The following ENPEP variants were observed in gnomAD, a reference collection of about 807,000 sequenced individuals.
ENPEP encodes AP-A.
A neutral mutation model predicts 114.5 loss-of-function variants in ENPEP; 103 were observed. The observed-to-expected ratio is 0.90, with a 90% confidence interval of 0.77 to 1.06. The LOEUF (loss-of-function observed/expected upper bound fraction) is 1.06. ENPEP is among the 50% of genes least tolerant of loss of function. The pLI is 0.00. For synonymous variants in ENPEP, 420 were observed against 422.0 expected (o/e 1.00, Z 0.06); for missense variants, 1,196 against 1,161.3 (o/e 1.03, Z -0.43).
intron 1 of ENPEP, among the ~76,000 whole-genome samples, chr4:110,484,543 T>G (rs1724429967): frequency 6.6e-6 from 1 of 151,960 alleles, no homozygotes; most frequent in Non-Finnish European, 1.5e-5. Context: ...AGAGGACCAC[T>G]GAGCTGGGCC....
chr4:110,501,971 A>G (rs772898278), intron 3 of ENPEP, among the ~76,000 whole-genome samples: 1 of 152,154 alleles, frequency 6.6e-6, no homozygotes, highest in Non-Finnish European at 1.5e-5. Context: ...TTTTAATAAT[A>G]GCCATTCTGA....
chr4:110,503,185 G>C, intron 3 of ENPEP, among the ~76,000 whole-genome samples: 1 of 152,136 alleles, frequency 6.6e-6, no homozygotes, highest in Non-Finnish European at 1.5e-5. Context: ...ACAGTTTGCT[G>C]AGAATGATGG....
At chr4:110,556,988 T>A (rs1727497306) in intron 18 of ENPEP, among the ~76,000 whole-genome samples, 1 of 152,158 alleles carries the variant, frequency 6.6e-6, no homozygotes, top group Non-Finnish European at 1.5e-5. Flanking sequence ...CACAAATACA[T>A]GTATACTTTA....
chr4:110,491,223 C>A, intron 3 of ENPEP, 59 bp downstream of exon 3: 11 of 1,361,502 alleles, frequency 8.1e-6, no homozygotes, highest in Admixed American at 2.7e-5. Context: ...AATTATCTAC[C>A]TTTTTTGGGT....
chr4:110,542,669 C>A (rs762470156), intron 11 of ENPEP, 82 bp from the exon 12 acceptor site: 204 of 1,334,430 alleles, frequency 1.5e-4, no homozygotes, highest in Admixed American at 4.3e-4. Flanking sequence ...CTTTTATTTT[C>A]TTTTTGCCCT....
intron 17 of ENPEP, among the ~76,000 whole-genome samples, chr4:110,550,531 T>A (rs17623554): frequency 0.082 from 12,401 of 152,120 alleles, 568 homozygotes; most frequent in South Asian, 0.14. Flanking sequence ...AAGAGGAGTG[T>A]CTGCCGCAAA....
intron 11 of ENPEP, among the ~76,000 whole-genome samples, chr4:110,536,107 CAAAAAA>C (rs34765143): frequency 1.6e-4 from 10 of 63,132 alleles, no homozygotes; most frequent in African/African-American, 5.8e-4. Flanking sequence ...AACTCTGTCT[CAAAAAA>C]AAAAAAAAAA....
intron 1 of ENPEP, among the ~76,000 whole-genome samples, chr4:110,479,055 G>A (rs1472416723): frequency 6.6e-6 from 1 of 152,208 alleles, no homozygotes; most frequent in East Asian, 1.9e-4. Context: ...GAAAATTATA[G>A]GAAAACATAA....
In ENPEP at chr4:110,491,183, T is replaced by A. The variant is rs1724696521; in HGVS notation, c.918+19T>A. 5 of 1,576,190 alleles carry A rather than the reference T, an allele frequency of 3.2e-6. No homozygotes were observed. The highest frequency in any genetic ancestry group is 4.3e-6 in the Non-Finnish European group (5 of 1,168,704). On this transcript the variant is annotated intron_variant, in intron 3 of 19. Transcript: ENST00000265162. ...AAAACCTGTGAGTCTCATTATATTT[T>A]AAAAATTTACCACCTATGCATTTGT...
chr4:110,486,249 C>T (rs1461426878), intron 1 of ENPEP, among the ~76,000 whole-genome samples: 2 of 152,132 alleles, frequency 1.3e-5, no homozygotes, highest in African/African-American at 4.8e-5. Context: ...TTGTGATGTT[C>T]CAATACTCCC....
chr4:110,523,482 G>A (rs1478574693), intron 10 of ENPEP, among the ~76,000 whole-genome samples: 4 of 152,126 alleles, frequency 2.6e-5, no homozygotes, highest in Non-Finnish European at 5.9e-5. Flanking sequence ...TATAAGAAAA[G>A]GCTCTGATAT....
chr4:110,491,847 A>G (rs1560552632), intron 3 of ENPEP, among the ~76,000 whole-genome samples: 1 of 151,218 alleles, frequency 6.6e-6, no homozygotes, highest in Non-Finnish European at 1.5e-5. Flanking sequence ...CAGCCTCCTG[A>G]GTAGCTGGGA....
Position 110,548,198 on chromosome 4 carries a change from G to T in ENPEP, c.2023G>T (p.Val675Leu), listed in dbSNP as rs770367274. Residue 675 changes from valine (V) to leucine (L), a missense_variant, in exon 14 of 20, where the codon GTG becomes TTG. Coordinates refer to ENST00000265162, the MANE Select transcript of ENPEP (RefSeq NM_001977.4). ...CAGAGCTCAACTTCTAGATTATAAGGTGGCTTTGAACTTGACCAAGTATCT... is the reference window on the plus strand; with the variant it reads ...CAGAGCTCAACTTCTAGATTATAAGTTGGCTTTGAACTTGACCAAGTATCT... ...LARAQLLDYK[V>L]ALNLTKYLKR... is the part of the protein sequence containing the mutation. 3 of 1,502,442 alleles carry T rather than the reference G, an allele frequency of 2.0e-6. No individual in the cohort carries two copies. The highest frequency in any genetic ancestry group is 1.8e-6 in the Non-Finnish European group (2 of 1,113,074). The allele number at this position is 1,502,442 out of a possible 1,614,324, so 93.1% of individuals were successfully genotyped here. A position where few individuals can be genotyped will look rare whatever the true frequency, so the allele number is the denominator to read the frequency against.
chr4:110,518,069 A>G (rs1473924521), intron 8 of ENPEP, among the ~76,000 whole-genome samples: 2 of 152,182 alleles, frequency 1.3e-5, no homozygotes, highest in Non-Finnish European at 2.9e-5. Flanking sequence ...GTGTGGAACT[A>G]AATCTGGGGC....
chr4:110,532,421 C>T, intron 11 of ENPEP, among the ~76,000 whole-genome samples: 1 of 152,188 alleles, frequency 6.6e-6, no homozygotes, highest in Non-Finnish European at 1.5e-5. Context: ...CATGATATAG[C>T]ATGTAACTCT....
chr4:110,486,669 C>T (rs2110334887), intron 1 of ENPEP, among the ~76,000 whole-genome samples: 1 of 152,246 alleles, frequency 6.6e-6, no homozygotes, highest in East Asian at 1.9e-4. Flanking sequence ...CATCACTCTC[C>T]TAAGTTATTT....
rs149569358 is a variant in ENPEP, at chr4:110,513,546, C to T, written c.1440C>T (p.Ser480=). 5 of 1,611,636 alleles carry T rather than the reference C, an allele frequency of 3.1e-6. No homozygotes were observed. Among genetic ancestry groups the T allele is most frequent in the Non-Finnish European group, 4.2e-6 (5 of 1,178,992 alleles). Residue 480 remains serine (S), a synonymous_variant, in exon 7 of 20, where the codon AGC becomes AGT. Coordinates refer to ENST00000265162, the MANE Select transcript of ENPEP (RefSeq NM_001977.4). ...CTGTTTTTGATGGAATATCCTATAG[C>T]AAGGTGGGAGAAATAGAACATTGTT... ...ITSVFDGISY[S]KGSSILRMLE...
At chr4:110,544,936 G>T (rs1315524064) in intron 13 of ENPEP, among the ~76,000 whole-genome samples, 1 of 152,088 alleles carries the variant, frequency 6.6e-6, no homozygotes, top group East Asian at 1.9e-4. Flanking sequence ...ACATATGTAG[G>T]ATCACACAAG....
chr4:110,483,016 CA>C (rs964299097), intron 1 of ENPEP, among the ~76,000 whole-genome samples: 2 of 151,346 alleles, frequency 1.3e-5, no homozygotes, highest in African/African-American at 4.9e-5. Context: ...CTCAAACAAA[CA>C]AAAAAAGAAT....
Sources: allele counts gnomAD v4.1 joint callset (sites outside exome capture counted in the v4.1 genomes callset), GRCh38; gene constraint gnomAD v4.1.1; transcripts MANE v1.5; gene names NCBI Gene and HGNC (gene_info 2026-07-23, HGNC 2026-07-21).